The following GALNTL6 variants were observed in gnomAD, a reference collection of about 807,000 sequenced individuals.
GALNTL6 encodes the protein polypeptide N-acetylgalactosaminyltransferase like 6, also known as polypeptide N-acetylgalactosaminyltransferase-like 6.
In GALNTL6, 46 loss-of-function variants were observed where a neutral mutation model predicts 73.7. The ratio of observed to expected loss-of-function variants is 0.62; its 90% CI spans 0.49 to 0.80. GALNTL6 has a LOEUF of 0.80. GALNTL6 is among the 30% of genes least tolerant of loss of function. The pLI is 0.00. For missense variants in GALNTL6, 604 were observed against 755.0 expected (o/e 0.80, Z 2.34); for synonymous variants, 259 against 263.7 (o/e 0.98, Z 0.17).
At chr4:172,189,635 G>A (rs1237246329) in intron 2 of GALNTL6, among the ~76,000 whole-genome samples, 2 of 152,090 alleles carry the variant, frequency 1.3e-5, no homozygotes, top group Non-Finnish European at 2.9e-5. Flanking sequence ...ATTAGTCACA[G>A]ACATGAGCAT....
chr4:172,156,556 T>C (rs1197556266), intron 2 of GALNTL6, among the ~76,000 whole-genome samples: 1 of 136,642 alleles, frequency 7.3e-6, no homozygotes. Context: ...TATATATATA[T>C]ATATATATAT....
intron 5 of GALNTL6, among the ~76,000 whole-genome samples, chr4:172,593,678 A>G (rs1342789600): frequency 6.6e-6 from 1 of 151,104 alleles, no homozygotes; most frequent in African/African-American, 2.4e-5. Context: ...TTTTTTCACC[A>G]CACTTGGAAT....
intron 2 of GALNTL6, among the ~76,000 whole-genome samples, chr4:171,896,334 T>C (rs1020426908): frequency 1.3e-5 from 2 of 152,204 alleles, no homozygotes; most frequent in Admixed American, 6.5e-5. Context: ...ATAAGTCTAA[T>C]ACACATGACA....
chr4:172,721,108 G>C (rs1190596076), intron 5 of GALNTL6, among the ~76,000 whole-genome samples: 3 of 152,180 alleles, frequency 2.0e-5, no homozygotes. Context: ...TGATAAGATG[G>C]TTTGAAAAAC....
intron 5 of GALNTL6, among the ~76,000 whole-genome samples, chr4:172,611,551 T>C (rs1318728732): frequency 1.3e-5 from 2 of 152,044 alleles, no homozygotes; most frequent in Admixed American, 6.6e-5. Flanking sequence ...TGTTCACCTG[T>C]TGGAGTTTTC....
At chr4:172,686,708 C>T (rs1732938809) in intron 5 of GALNTL6, among the ~76,000 whole-genome samples, 1 of 152,084 alleles carries the variant, frequency 6.6e-6, no homozygotes, top group South Asian at 2.1e-4. Flanking sequence ...GGACACATTG[C>T]TTTGTGCTAT....
Position 172,698,649 on chromosome 4 carries a change from A to C in GALNTL6, c.554-110712A>C, listed in dbSNP as rs146996898. Among the ~76,000 whole-genome samples, 5 of 152,292 alleles carry C rather than the reference A, an allele frequency of 3.3e-5. No homozygotes were observed. In the East Asian group the frequency reaches 9.6e-4, roughly 29 times the overall value. ...CAGACACAAGCTCACTGTGCCACTCAAACTATGTTTGTGTGCTTTGATGGA... is the reference window on the plus strand; with the variant it reads ...CAGACACAAGCTCACTGTGCCACTCCAACTATGTTTGTGTGCTTTGATGGA... On this transcript the variant is annotated intron_variant, in intron 5 of 12. Coordinates refer to ENST00000506823, the MANE Select transcript of GALNTL6 (RefSeq NM_001034845.3).
intron 10 of GALNTL6, among the ~76,000 whole-genome samples, chr4:172,993,107 A>T (rs1319493817): frequency 2.0e-5 from 3 of 152,154 alleles, no homozygotes; most frequent in Admixed American, 1.3e-4. Flanking sequence ...TCCCCCCAAA[A>T]ATTCGTATGT....
chr4:171,850,281 C>T (rs1735486221), intron 2 of GALNTL6, among the ~76,000 whole-genome samples: 1 of 152,116 alleles, frequency 6.6e-6, no homozygotes, highest in Non-Finnish European at 1.5e-5. Flanking sequence ...CAGTTGGGCC[C>T]TATGCATCAA....
chr4:172,036,768 G>A (rs777357381), intron 2 of GALNTL6, among the ~76,000 whole-genome samples: 4 of 152,012 alleles, frequency 2.6e-5, no homozygotes, highest in African/African-American at 9.7e-5. Flanking sequence ...CCCAGTTGAC[G>A]TTTCTACCCT....
chr4:172,265,773 G>A (rs1411914241), intron 3 of GALNTL6, among the ~76,000 whole-genome samples: 1 of 151,818 alleles, frequency 6.6e-6, no homozygotes, highest in Non-Finnish European at 1.5e-5. Context: ...TCCTTCTTTT[G>A]TTTATAAAGA....
intron 5 of GALNTL6, among the ~76,000 whole-genome samples, chr4:172,620,413 T>A (rs1271918423): frequency 6.6e-6 from 1 of 152,090 alleles, no homozygotes; most frequent in Non-Finnish European, 1.5e-5. Context: ...CATAGAAAAA[T>A]TTTTAAATGT....
intron 2 of GALNTL6, among the ~76,000 whole-genome samples, chr4:172,128,841 CT>C (rs1040486897): frequency 2.0e-5 from 3 of 152,098 alleles, no homozygotes; most frequent in Non-Finnish European, 4.4e-5. Context: ...TATTTGCAGG[CT>C]TTTTTCCCCC....
intron 10 of GALNTL6, among the ~76,000 whole-genome samples, chr4:172,964,872 C>A (rs1302992517): frequency 6.6e-6 from 1 of 152,226 alleles, no homozygotes; most frequent in Non-Finnish European, 1.5e-5. Context: ...ACGAGCGAGG[C>A]TCCCTCACAT....
At chr4:172,929,265 T>C (rs999012368) in intron 8 of GALNTL6, among the ~76,000 whole-genome samples, 2 of 152,216 alleles carry the variant, frequency 1.3e-5, no homozygotes, top group Non-Finnish European at 2.9e-5. Flanking sequence ...TGGACTTCCA[T>C]TGACCTTAAT....
intron 5 of GALNTL6, among the ~76,000 whole-genome samples, chr4:172,517,788 C>T (rs966501767): frequency 4.0e-5 from 6 of 151,890 alleles, no homozygotes; most frequent in Non-Finnish European, 5.9e-5. Flanking sequence ...AAATAGAGTA[C>T]AAAAAATGTG....
chr4:172,904,937 A>T (rs1431586445), intron 8 of GALNTL6, among the ~76,000 whole-genome samples: 1 of 152,264 alleles, frequency 6.6e-6, no homozygotes, highest in East Asian at 1.9e-4. Flanking sequence ...ATTTAAAGGG[A>T]TTGAAATATG....
intron 5 of GALNTL6, among the ~76,000 whole-genome samples, chr4:172,516,243 C>G (rs1265585046): frequency 6.6e-6 from 1 of 152,096 alleles, no homozygotes; most frequent in East Asian, 1.9e-4. Context: ...TTTCTGAATC[C>G]TAAACTAGAC....
chr4:171,891,882 C>G (rs950956226), intron 2 of GALNTL6, among the ~76,000 whole-genome samples: 1 of 152,124 alleles, frequency 6.6e-6, no homozygotes, highest in Non-Finnish European at 1.5e-5. Flanking sequence ...TCAAATTTTA[C>G]TGAACATCCT....
Sources: allele counts gnomAD v4.1 joint callset (sites outside exome capture counted in the v4.1 genomes callset), GRCh38; gene constraint gnomAD v4.1.1; transcripts MANE v1.5; gene names NCBI Gene and HGNC (gene_info 2026-07-23, HGNC 2026-07-21).